The following SPOCK1 variants were observed in gnomAD, a reference collection of about 807,000 sequenced individuals.
SPOCK1 encodes the protein testican-1.
In SPOCK1, 23 loss-of-function variants were observed where a neutral mutation model predicts 55.3. The ratio of observed to expected loss-of-function variants is 0.42; its 90% CI spans 0.30 to 0.59. The LOEUF is 0.59. SPOCK1 is among the 20% of genes least tolerant of loss of function. SPOCK1 has a pLI of 0.22. For missense variants in SPOCK1, 499 were observed against 552.5 expected, an observed-to-expected ratio of 0.90 and a Z score of 0.97; for synonymous variants, 226 against 221.0, an observed-to-expected ratio of 1.02 and a Z score of -0.20.
chr5:137,117,256 G>A (rs1022568106), intron 4 of SPOCK1, among the ~76,000 whole-genome samples: 1 of 152,124 alleles, frequency 6.6e-6, no homozygotes, highest in South Asian at 2.1e-4. Flanking sequence ...CAAGTCTATA[G>A]GACTGGACAA....
intron 2 of SPOCK1, among the ~76,000 whole-genome samples, chr5:137,304,432 C>T (rs147558027): frequency 3.9e-5 from 6 of 152,308 alleles, no homozygotes; most frequent in East Asian, 1.9e-4. Flanking sequence ...AGGGCATATG[C>T]TTTGCCAAGT....
At chr5:137,032,618 G>A (rs1247800180) in intron 6 of SPOCK1, among the ~76,000 whole-genome samples, 2 of 152,120 alleles carry the variant, frequency 1.3e-5, no homozygotes, top group Non-Finnish European at 2.9e-5. Flanking sequence ...GAAAACCAAG[G>A]GTGAGGAAGC....
Position 137,466,686 on chromosome 5 carries a change from C to T in SPOCK1, c.186+31687G>A, listed in dbSNP as rs1283813548. On this transcript the variant is annotated intron_variant, in intron 2 of 10. Coordinates refer to ENST00000394945, the MANE Select transcript of SPOCK1 (RefSeq NM_004598.4). ...AATGTGAGGAATACATAAGAGTGTG[C>T]ATCTTAAGTGTTTAGCACAAGACCT... 3.3e-5 allele frequency among the ~76,000 whole-genome samples: 5 copies of T among 152,322 alleles called. No homozygotes were observed. In the East Asian group the frequency reaches 9.6e-4, roughly 29 times the overall value.
intron 3 of SPOCK1, among the ~76,000 whole-genome samples, chr5:137,243,824 G>T: frequency 6.6e-6 from 1 of 152,108 alleles, no homozygotes; most frequent in South Asian, 2.1e-4. Flanking sequence ...ATAACGACTC[G>T]AAACTGATAA....
chr5:137,320,884 CAA>C (rs370548359), intron 2 of SPOCK1, among the ~76,000 whole-genome samples: 261 of 151,916 alleles, frequency 1.7e-3, no homozygotes, highest in African/African-American at 5.9e-3. Flanking sequence ...ACAGCCCAGT[CAA>C]AGTTACAAAA....
intron 3 of SPOCK1, among the ~76,000 whole-genome samples, chr5:137,149,357 G>A (rs1349865749): frequency 1.3e-5 from 2 of 152,050 alleles, no homozygotes; most frequent in African/African-American, 4.8e-5. Context: ...CCATCACAAT[G>A]GCCAGAATTT....
chr5:137,302,760 T>C (rs551102374), intron 2 of SPOCK1, among the ~76,000 whole-genome samples: 10 of 152,272 alleles, frequency 6.6e-5, no homozygotes, highest in African/African-American at 2.4e-4. Flanking sequence ...CCTTGAACTC[T>C]GCATCCACGA....
At chr5:137,306,262 A>C (rs28811611) in intron 2 of SPOCK1, among the ~76,000 whole-genome samples, 4 of 152,106 alleles carry the variant, frequency 2.6e-5, no homozygotes. Flanking sequence ...GTTATCAGAC[A>C]CATAAAACCA....
chr5:137,492,659 G>A (rs1454764610), intron 2 of SPOCK1, among the ~76,000 whole-genome samples: 4 of 152,208 alleles, frequency 2.6e-5, no homozygotes, highest in African/African-American at 9.6e-5. Flanking sequence ...AATAATCTGA[G>A]ATTGCTTTAA....
At chr5:137,373,442 C>T (rs1172841195) in intron 2 of SPOCK1, among the ~76,000 whole-genome samples, 1 of 152,178 alleles carries the variant, frequency 6.6e-6, no homozygotes, top group Admixed American at 6.5e-5. Context: ...GTTTCACCTC[C>T]TGCCCCACCA....
At chr5:137,118,457 A>AG (rs1269187787) in intron 4 of SPOCK1, among the ~76,000 whole-genome samples, 117 of 152,290 alleles carry the variant, frequency 7.7e-4, no homozygotes, top group African/African-American at 2.7e-3. Flanking sequence ...GACCCCACTA[A>AG]GATATCCCCA....
intron 2 of SPOCK1, among the ~76,000 whole-genome samples, chr5:137,361,894 T>A (rs1750954687): frequency 6.6e-6 from 1 of 152,194 alleles, no homozygotes; most frequent in East Asian, 1.9e-4. Context: ...TAGGAGCTCC[T>A]GCCTCTCCCA....
At chr5:137,419,276 A>T (rs576196395) in intron 2 of SPOCK1, among the ~76,000 whole-genome samples, 1 of 152,026 alleles carries the variant, frequency 6.6e-6, no homozygotes, top group African/African-American at 2.4e-5. Context: ...ATTGACTTGG[A>T]AATGCAGGCT....
intron 2 of SPOCK1, among the ~76,000 whole-genome samples, chr5:137,486,862 G>A (rs1754069309): frequency 6.6e-6 from 1 of 152,210 alleles, no homozygotes; most frequent in African/African-American, 2.4e-5. Flanking sequence ...CTCATTCCAG[G>A]TGGCTGGACA....
intron 6 of SPOCK1, among the ~76,000 whole-genome samples, chr5:137,030,982 T>C (rs897158915): frequency 6.6e-6 from 1 of 152,216 alleles, no homozygotes. Flanking sequence ...ATCATTCCTG[T>C]TTTGTTTTAA....
rs545565873 is a variant in SPOCK1 at position 137,103,000 on chromosome 5, TG to T, written c.474+9434del. 2.0e-3 allele frequency among the ~76,000 whole-genome samples: 305 copies of T among 152,326 alleles called. 1 individual carries two copies. The highest frequency in any genetic ancestry group is 0.014 in the Middle Eastern group (4 of 294). ...TTTTTGGGTTTTTTTTGTTTTGTTT[TG>T]TTTTTTAAAGATAGAATCTTGCTCT... On this transcript the variant is annotated intron_variant, in intron 5 of 10. Coordinates refer to ENST00000394945, the MANE Select transcript of SPOCK1 (RefSeq NM_004598.4).
chr5:137,203,868 G>A (rs1318537573), intron 3 of SPOCK1, among the ~76,000 whole-genome samples: 2 of 152,330 alleles, frequency 1.3e-5, no homozygotes, highest in Non-Finnish European at 2.9e-5. Flanking sequence ...CAAGCTGATT[G>A]GAGGACATTA....
At chr5:137,229,444 G>A (rs115473178) in intron 3 of SPOCK1, among the ~76,000 whole-genome samples, 2,629 of 152,158 alleles carry the variant, frequency 0.017, 78 homozygotes, top group African/African-American at 0.06. Flanking sequence ...TAGCTCTCAG[G>A]CCCCCAGTCA....
At chr5:137,271,408 T>A (rs1160688523) in intron 2 of SPOCK1, among the ~76,000 whole-genome samples, 1 of 149,060 alleles carries the variant, frequency 6.7e-6, no homozygotes, top group East Asian at 1.9e-4. Flanking sequence ...ATTAAAGATA[T>A]ATTTATTATA....
Sources: gnomAD v4.1 joint callset for allele counts (sites outside exome capture counted in the v4.1 genomes callset) on GRCh38, gnomAD v4.1.1 for gene constraint, MANE v1.5 for transcripts, NCBI Gene and HGNC (gene_info 2026-07-23, HGNC 2026-07-21) for gene names.